PAX8: variants seen among roughly 807,000 people sequenced by gnomAD.
PAX8 encodes paired box protein Pax-8.
In PAX8, 15 loss-of-function variants were observed where a neutral mutation model predicts 52.4. That is an observed-to-expected ratio of 0.29 (90% CI 0.19 to 0.44). The LOEUF is 0.44. Among genes scored for constraint, PAX8 ranks in the 20% least tolerant of loss-of-function variants. The probability of loss-of-function intolerance (pLI) is 1.00; values close to 1 mark genes in which losing one functional copy is unlikely to be tolerated. For synonymous variants in PAX8, 284 were observed against 249.7 expected (o/e 1.14, Z -1.29); for missense variants, 554 against 602.5 (o/e 0.92, Z 0.84).
At chr2:113,236,975 G>A (rs1170147018) in intron 7 of PAX8, 2 of 530,450 alleles carry the variant, frequency 3.8e-6, no homozygotes, top group Non-Finnish European at 6.7e-6. Context: ...TCAGCCAGAG[G>A]ACCACACCCT....
At chr2:113,274,570 T>C (rs1237847357) in intron 2 of PAX8, 1 of 152,216 alleles carries the variant, frequency 6.6e-6, no homozygotes, top group Non-Finnish European at 1.5e-5. Context: ...TTTCTCCTTA[T>C]TCTTTCACTC....
chr2:113,261,809 T>C (rs1353957450), intron 2 of PAX8, among the ~76,000 whole-genome samples: 1 of 151,616 alleles, frequency 6.6e-6, no homozygotes, highest in East Asian at 1.9e-4. Flanking sequence ...AGTCATGCCC[T>C]GAAAGATTTT....
chr2:113,236,903 C>T, intron 7 of PAX8, 182 bp from the exon 8 acceptor site: 2 of 695,206 alleles, frequency 2.9e-6, no homozygotes, highest in Non-Finnish European at 4.6e-6. Flanking sequence ...CATTGTCCTC[C>T]CGCATCCCTG....
intron 2 of PAX8, chr2:113,268,962 G>C (rs929993641): frequency 1.3e-5 from 2 of 152,260 alleles, no homozygotes; most frequent in Non-Finnish European, 2.9e-5. Context: ...AGCAGTGGGG[G>C]TGGGCCATGG....
At chr2:113,239,102 C>CT (rs1255069125) in intron 7 of PAX8, 2 of 148,634 alleles carry the variant, frequency 1.3e-5, no homozygotes, top group Non-Finnish European at 3.0e-5. Flanking sequence ...GAGCCTCGCT[C>CT]TGTCACCCAG....
At chr2:113,276,133 C>T (rs1693797373) in intron 2 of PAX8, 1 of 152,232 alleles carries the variant, frequency 6.6e-6, no homozygotes, top group Non-Finnish European at 1.5e-5. Flanking sequence ...CCTGCTAAAA[C>T]CCGAGAGATA....
At chr2:113,228,761 T>C (rs1337832410) in intron 9 of PAX8, among the ~76,000 whole-genome samples, 2 of 152,138 alleles carry the variant, frequency 1.3e-5, no homozygotes, top group East Asian at 3.9e-4. Flanking sequence ...ACCAAATTCA[T>C]CTCCTCTATG....
chr2:113,230,237 T>C (rs1292835874), intron 9 of PAX8, among the ~76,000 whole-genome samples: 3 of 152,200 alleles, frequency 2.0e-5, no homozygotes, highest in Non-Finnish European at 2.9e-5. Context: ...GCAGGGCTGC[T>C]TCTGGCCTGG....
At chr2:113,241,136 T>TAAAAAA in intron 7 of PAX8, 1 of 336,744 alleles carries the variant, frequency 3.0e-6, no homozygotes. Flanking sequence ...GGGCCATGAG[T>TAAAAAA]AATGCAAGAG....
At chr2:113,249,065 T>C (rs888090802) in intron 2 of PAX8, among the ~76,000 whole-genome samples, 3 of 152,228 alleles carry the variant, frequency 2.0e-5, no homozygotes, top group Non-Finnish European at 4.4e-5. Flanking sequence ...GCAAGAAGGA[T>C]GCAATGACCC....
chr2:113,275,655 T>G (rs1201902417), intron 2 of PAX8: 1 of 152,220 alleles, frequency 6.6e-6, no homozygotes, highest in Non-Finnish European at 1.5e-5. Flanking sequence ...CAAAACTCTC[T>G]TCCTCATTGG....
chr2:113,217,834 C>T lies in PAX8; in HGVS notation c.*699G>A, dbSNP rs1689078217. The T allele has an allele frequency of 4.3e-6, 1 of 233,362 alleles. No homozygotes were observed. The highest frequency in any genetic ancestry group is 8.5e-6 in the Non-Finnish European group (1 of 118,176). 14.5% of individuals were successfully genotyped at this position (233,362 alleles called of 1,614,324 possible). ...CGGCAGCTGCCAAGGGGATGCCGCACTGCAGGAGGACCTGGGGTGGTGCTA... is the reference window on the plus strand; with the variant it reads ...CGGCAGCTGCCAAGGGGATGCCGCATTGCAGGAGGACCTGGGGTGGTGCTA... On this transcript the variant is annotated 3_prime_UTR_variant, in exon 12 of 12. Transcript: ENST00000429538.
At position 113,246,810 on chromosome 2, in the gene PAX8, G is replaced by A. The variant is rs1249623948; in HGVS notation, c.135C>T (p.Cys45=). The A allele has an allele frequency of 2.5e-5, 41 of 1,614,058 alleles. No individual in the cohort carries two copies. In the Middle Eastern group the frequency reaches 6.6e-4, roughly 26 times the overall value. Residue 45 remains cysteine (C), a synonymous_variant, in exon 3 of 12, where the codon TGC becomes TGT. Coordinates refer to ENST00000429538, the MANE Select transcript of PAX8 (RefSeq NM_003466.4). ...TGACGCGGAGCTGGCGAGAGATGTC[G>A]CAGGGCCTTACACCCTGGTGGGCCA... ...VDLAHQGVRP[C]DISRQLRVSH...
At position 113,216,709 on chromosome 2, in the gene PAX8, G is replaced by C. The variant is rs1272595200; in HGVS notation, c.*1824C>G. On this transcript the variant is annotated 3_prime_UTR_variant, in exon 12 of 12. Coordinates refer to ENST00000429538, the MANE Select transcript of PAX8 (RefSeq NM_003466.4). The stretch of plus-strand genomic sequence containing the variant: ...AGGTCAAATCTTTAGCAAATCAAAA[G>C]AAATTAAATCCCCAGTGGCAGCTCC... 1 of 226,882 alleles carries C rather than the reference G, an allele frequency of 4.4e-6. No homozygotes were observed. Among genetic ancestry groups the C allele is most frequent in the Non-Finnish European group, 8.8e-6 (1 of 114,128 alleles). 14.1% of individuals were successfully genotyped at this position (226,882 alleles called of 1,614,324 possible).
Position 113,278,909 on chromosome 2 carries a change from G to C in PAX8, c.-154C>G. 9.5e-7 allele frequency: 1 copy of C among 1,048,220 alleles called. No individual in the cohort carries two copies. The highest frequency in any genetic ancestry group is 1.2e-6 in the Non-Finnish European group (1 of 867,268). 64.9% of individuals were successfully genotyped at this position (1,048,220 alleles called of 1,614,324 possible). ...TGGGCCCGGTGTCTCTCCTCCTTCT[G>C]AAGTTTGTTCCCATCCACCCGGCAT... On this transcript the variant is annotated 5_prime_UTR_variant, in exon 1 of 12. Coordinates refer to ENST00000429538, the MANE Select transcript of PAX8 (RefSeq NM_003466.4).
chr2:113,259,868 C>T (rs1692538909), intron 2 of PAX8, among the ~76,000 whole-genome samples: 1 of 152,198 alleles, frequency 6.6e-6, no homozygotes, highest in Non-Finnish European at 1.5e-5. Flanking sequence ...GAAGGGCCCT[C>T]TGGGCTGCAG....
chr2:113,276,866 G>A (rs1376774075), intron 2 of PAX8, among the ~76,000 whole-genome samples: 1 of 152,062 alleles, frequency 6.6e-6, no homozygotes, highest in Non-Finnish European at 1.5e-5. Context: ...CCAGCTTGGC[G>A]CAGAAGTGCC....
chr2:113,268,904 G>A (rs1183743894), intron 2 of PAX8: 2 of 152,380 alleles, frequency 1.3e-5, no homozygotes, highest in Non-Finnish European at 2.9e-5. Context: ...CTGAGGCCCA[G>A]GCAGGCCTGT....
At chr2:113,251,020 G>C (rs1691717220) in intron 2 of PAX8, 1 of 152,198 alleles carries the variant, frequency 6.6e-6, no homozygotes. Flanking sequence ...TAAAGTCTTG[G>C]TGCCTTCAAG....
Sources: allele counts gnomAD v4.1 joint callset (sites outside exome capture counted in the v4.1 genomes callset), GRCh38; gene constraint gnomAD v4.1.1; transcripts MANE v1.5; gene names NCBI Gene and HGNC (gene_info 2026-07-23, HGNC 2026-07-21).